The following CERS3 variants were observed in gnomAD, a reference collection of about 807,000 sequenced individuals.
CERS3 encodes the protein ceramide synthase 3.
Under a neutral mutation model 50.3 loss-of-function variants are expected in CERS3, and 33 were observed. The ratio of observed to expected loss-of-function variants is 0.66; its 90% CI spans 0.50 to 0.88. The LOEUF (loss-of-function observed/expected upper bound fraction) is 0.88. Ranked by LOEUF, CERS3 falls within the 40% of genes least tolerant of loss-of-function variation. CERS3 has a pLI of 0.00. For synonymous variants in CERS3, 176 were observed against 155.2 expected (o/e 1.13, Z -0.99); for missense variants, 470 against 460.3 (o/e 1.02, Z -0.19).
At chr15:100,455,770 T>C in intron 11 of CERS3, 123 bp downstream of exon 11, 3 of 672,300 alleles carry the variant, frequency 4.5e-6, no homozygotes, top group Non-Finnish European at 6.4e-6. Flanking sequence ...TAATCAAAAA[T>C]AATAAAATCA....
intron 2 of CERS3, among the ~76,000 whole-genome samples, chr15:100,510,279 GAAGA>G (rs2036301687): frequency 1.3e-5 from 2 of 151,808 alleles, no homozygotes; most frequent in African/African-American, 2.4e-5. Context: ...TAAAAAAACT[GAAGA>G]GAGAGAAAAA....
At position 100,402,586 on chromosome 15, in the gene CERS3, A is replaced by G. The variant is rs978121269; in HGVS notation, c.*127T>C. The G allele has an allele frequency of 1.6e-5, 14 of 857,914 alleles. No homozygotes were observed. The highest frequency in any genetic ancestry group is 2.5e-5 in the Non-Finnish European group (14 of 559,674). 53.1% of individuals were successfully genotyped at this position (857,914 alleles called of 1,614,324 possible). A position where few individuals can be genotyped will look rare whatever the true frequency, so the allele number is the denominator to read the frequency against. On this transcript the variant is annotated 3_prime_UTR_variant, in exon 12 of 12. Transcript: ENST00000679737. ...AACAACATTTTGGTAAACACATCTTAGGTGGGAGGGAAGGCGGTGGTGAGA... is the reference window on the plus strand; with the variant it reads ...AACAACATTTTGGTAAACACATCTTGGGTGGGAGGGAAGGCGGTGGTGAGA...
chr15:100,499,631 G>A (rs1164898228), intron 3 of CERS3, among the ~76,000 whole-genome samples: 5 of 152,146 alleles, frequency 3.3e-5, no homozygotes, highest in African/African-American at 1.2e-4. Flanking sequence ...GTACATAAAT[G>A]CAGTCTAGAA....
chr15:100,540,658 C>T (rs1370272239), intron 1 of CERS3, among the ~76,000 whole-genome samples: 1 of 152,242 alleles, frequency 6.6e-6, no homozygotes, highest in Non-Finnish European at 1.5e-5. Flanking sequence ...GCACAAACTG[C>T]TTCTGCAATA....
chr15:100,417,740 G>C (rs1378534409), intron 11 of CERS3, among the ~76,000 whole-genome samples: 12 of 151,912 alleles, frequency 7.9e-5, no homozygotes, highest in Admixed American at 2.0e-4. Context: ...ATCTGAGAAC[G>C]GGCAGACTGC....
At chr15:100,482,367 A>C (rs1322287621) in intron 5 of CERS3, among the ~76,000 whole-genome samples, 1 of 152,098 alleles carries the variant, frequency 6.6e-6, no homozygotes. Context: ...GAGTGGTGAG[A>C]GACACTGCTG....
intron 2 of CERS3, among the ~76,000 whole-genome samples, chr15:100,503,168 G>A (rs375465144): frequency 6.6e-6 from 1 of 151,556 alleles, no homozygotes; most frequent in Non-Finnish European, 1.5e-5. Context: ...TCACAACAAG[G>A]TTGTCAAAAT....
chr15:100,478,314 C>A (rs962963551), intron 7 of CERS3, among the ~76,000 whole-genome samples: 1 of 152,094 alleles, frequency 6.6e-6, no homozygotes, highest in Admixed American at 6.6e-5. Flanking sequence ...TAGAAAATAT[C>A]CAGAATAGTG....
intron 11 of CERS3, among the ~76,000 whole-genome samples, chr15:100,441,547 A>G (rs2033683644): frequency 6.6e-6 from 1 of 150,904 alleles, no homozygotes; most frequent in Non-Finnish European, 1.5e-5. Context: ...TCCACCCTCC[A>G]TTCCCCCTTC....
chr15:100,472,922 A>G lies in CERS3; in HGVS notation c.738+2T>C, dbSNP rs774538474. 6.2e-7 allele frequency: 1 copy of G among 1,613,748 alleles called. No homozygotes were observed. Among genetic ancestry groups the G allele is most frequent in the Non-Finnish European group, 8.5e-7 (1 of 1,179,838 alleles). On this transcript the variant is annotated splice_donor_variant, in intron 9 of 11. Coordinates refer to ENST00000679737, the MANE Select transcript of CERS3 (RefSeq NM_001378789.1). LOFTEE classifies it high-confidence loss of function. ...ATTAGTTTTTTAATGGCAAACGTTT[A>G]CCTCCAGCCAAATGTCAGCCACATC...
rs115875623 is a variant in CERS3 at position 100,425,321 on chromosome 15, G to A, written c.1000-22456C>T. 5.4e-3 allele frequency among the ~76,000 whole-genome samples: 820 copies of A among 152,308 alleles called. 7 individuals are homozygous for A. The highest frequency in any genetic ancestry group is 0.018 in the African/African-American group (763 of 41,568). The stretch of plus-strand genomic sequence containing the variant: ...ATGCACCCGGAAAAGCCACAGGCAC[G>A]CAACACCAGCCCTTGAGAGCAGCCG... On this transcript the variant is annotated intron_variant, in intron 11 of 11. Coordinates refer to ENST00000679737, the MANE Select transcript of CERS3 (RefSeq NM_001378789.1).
chr15:100,432,413 C>A (rs1262148427), intron 11 of CERS3, among the ~76,000 whole-genome samples: 1 of 152,182 alleles, frequency 6.6e-6, no homozygotes, highest in East Asian at 1.9e-4. Flanking sequence ...CCAGACAATT[C>A]CCCAGTGGAG....
At chr15:100,492,262 C>A (rs1416670687) in intron 3 of CERS3, among the ~76,000 whole-genome samples, 1 of 152,168 alleles carries the variant, frequency 6.6e-6, no homozygotes, top group Non-Finnish European at 1.5e-5. Context: ...TGTTGATAAT[C>A]TTCTGCCTAG....
At chr15:100,439,885 G>A (rs569615218) in intron 11 of CERS3, among the ~76,000 whole-genome samples, 2 of 152,168 alleles carry the variant, frequency 1.3e-5, no homozygotes, top group African/African-American at 4.8e-5. Context: ...CTTCTCCAAA[G>A]GACAACATGA....
At chr15:100,492,953 A>C (rs1362107079) in intron 3 of CERS3, among the ~76,000 whole-genome samples, 1 of 152,164 alleles carries the variant, frequency 6.6e-6, no homozygotes. Context: ...TAATTTCAAT[A>C]GGGTTAAAAA....
chr15:100,503,005 A>G (rs1002945830), intron 2 of CERS3, among the ~76,000 whole-genome samples: 8 of 152,250 alleles, frequency 5.3e-5, no homozygotes, highest in Non-Finnish European at 2.9e-5. Flanking sequence ...TCAGACTACA[A>G]TCAAGTAACC....
At chr15:100,497,870 CACACACACACA>C (rs2035868836) in intron 3 of CERS3, among the ~76,000 whole-genome samples, 1 of 76,000 alleles carries the variant, frequency 1.3e-5, no homozygotes, top group African/African-American at 4.4e-5. Flanking sequence ...CACACACACA[CACACACACACA>C]CACACACACA....
At chr15:100,436,552 T>C (rs2033415552) in intron 11 of CERS3, among the ~76,000 whole-genome samples, 1 of 152,094 alleles carries the variant, frequency 6.6e-6, no homozygotes, top group Admixed American at 6.6e-5. Context: ...GATGGGTTGA[T>C]AGGTGCAGCA....
chr15:100,450,303 AG>A (rs889553361), intron 11 of CERS3, among the ~76,000 whole-genome samples: 7 of 151,634 alleles, frequency 4.6e-5, no homozygotes, highest in African/African-American at 1.7e-4. Context: ...CGGTAGTCCC[AG>A]CTACTCAGGA....
Sources: gnomAD v4.1 joint callset for allele counts (sites outside exome capture counted in the v4.1 genomes callset) on GRCh38, gnomAD v4.1.1 for gene constraint, MANE v1.5 for transcripts, NCBI Gene and HGNC (gene_info 2026-07-23, HGNC 2026-07-21) for gene names.